Variants in LARP4 observed in about 807,000 individuals in gnomAD.
The protein encoded by LARP4 is La ribonucleoprotein 4, also known as la-related protein 4.
LARP4 carries 29 observed loss-of-function variants against 92.9 expected under a neutral mutation model. The ratio of observed to expected loss-of-function variants is 0.31; its 90% CI spans 0.23 to 0.43. The LOEUF (loss-of-function observed/expected upper bound fraction) is 0.43, where lower values mean the gene tolerates loss of function less well. LARP4 is among the 20% of genes least tolerant of loss of function. LARP4 has a pLI of 1.00. For missense variants in LARP4, 732 were observed against 860.0 expected (o/e 0.85, Z 1.86); for synonymous variants, 279 against 284.1 (o/e 0.98, Z 0.18).
intron 13 of LARP4, among the ~76,000 whole-genome samples, chr12:50,470,406 A>G (rs1379507872): frequency 6.6e-6 from 1 of 152,046 alleles, no homozygotes; most frequent in East Asian, 1.9e-4. Flanking sequence ...TGATACACAA[A>G]CACACATATA....
chr12:50,475,752 C>T lies in LARP4; in HGVS notation c.2063C>T (p.Ala688Val). The T allele has an allele frequency of 6.2e-7, 1 of 1,614,078 alleles. No individual in the cohort carries two copies. Among genetic ancestry groups the T allele is most frequent in the Non-Finnish European group, 8.5e-7 (1 of 1,180,032 alleles). The change falls in exon 16 of 16, where the codon GCA (alanine) becomes GTA (valine). Residue 688 changes from alanine (A) to valine (V), a missense_variant. By Grantham distance (64) the Ala-to-Val change is moderately conservative. Around this residue, in one of 7 missense-constraint regions of LARP4, gnomAD observed 115 missense variants for 129.1 expected, o/e 0.89. Coordinates refer to ENST00000398473, the MANE Select transcript of LARP4 (RefSeq NM_052879.5). Reference protein sequence around the residue: ...GFRGNIIPRGAAGKIREQRRQ... With the variant: ...GFRGNIIPRGVAGKIREQRRQ... ...CGAGGCAATATAATCCCCAGGGGAG[C>T]AGCAGGAAAAATCAGGGAACAGAGA... is the stretch of plus-strand genomic sequence containing the variant.
At chr12:50,470,472 T>C (rs987043962) in intron 13 of LARP4, among the ~76,000 whole-genome samples, 12 of 151,918 alleles carry the variant, frequency 7.9e-5, no homozygotes, top group Non-Finnish European at 1.5e-5. Context: ...TTGCTCTTGT[T>C]GCCCAGGCTG....
chr12:50,454,273 C>A, intron 9 of LARP4, 41 bp from the exon 10 acceptor site: 2 of 1,474,746 alleles, frequency 1.4e-6, no homozygotes, highest in Non-Finnish European at 1.9e-6. Flanking sequence ...CCAGATTTTA[C>A]CTTTGCCATT....
At chr12:50,401,115 G>C (rs1303097534) in intron 1 of LARP4, 87 bp downstream of exon 1, 2 of 1,499,484 alleles carry the variant, frequency 1.3e-6, no homozygotes, top group Non-Finnish European at 1.9e-6. Context: ...GTGACTTTCC[G>C]GGCCGTACAC....
At chr12:50,422,268 A>C (rs1370983821) in intron 1 of LARP4, among the ~76,000 whole-genome samples, 4 of 152,090 alleles carry the variant, frequency 2.6e-5, no homozygotes, top group Admixed American at 6.6e-5. Context: ...CCCGACCTAC[A>C]TTGTTCTAAA....
At chr12:50,464,474 C>T (rs1359084308) in intron 12 of LARP4, among the ~76,000 whole-genome samples, 1 of 152,216 alleles carries the variant, frequency 6.6e-6, no homozygotes, top group Non-Finnish European at 1.5e-5. Flanking sequence ...TCACTGCAAC[C>T]TCTGACTCCC....
intron 1 of LARP4, among the ~76,000 whole-genome samples, chr12:50,410,408 C>CTTT (rs200457985): frequency 7.5e-6 from 1 of 133,008 alleles, no homozygotes; most frequent in African/African-American, 2.7e-5. Flanking sequence ...GATTCTTTAT[C>CTTT]TTTTTTTTTT....
Position 50,424,381 on chromosome 12 carries a change from A to C in LARP4, c.19-3381A>C, listed in dbSNP as rs1948390643. Among the ~76,000 whole-genome samples, 3 of 149,234 alleles carry C rather than the reference A, an allele frequency of 2.0e-5. No individual in the cohort carries two copies. In the South Asian group the frequency reaches 6.4e-4, roughly 32 times the overall value. On this transcript the variant is annotated intron_variant, in intron 1 of 15. Coordinates refer to ENST00000398473, the MANE Select transcript of LARP4 (RefSeq NM_052879.5). ...TGTCCTTTTTTTTTTTTTTTGAGAC[A>C]GAGTTTCGCTCTTGTCGCCCAGGCT...
intron 1 of LARP4, among the ~76,000 whole-genome samples, chr12:50,427,519 C>T (rs549513909): frequency 3.4e-4 from 51 of 151,996 alleles, no homozygotes; most frequent in African/African-American, 1.1e-3. Flanking sequence ...AGCCATTGCA[C>T]CTAGGCAGTA....
intron 1 of LARP4, among the ~76,000 whole-genome samples, chr12:50,406,472 C>A (rs1207477949): frequency 2.6e-5 from 4 of 152,036 alleles, no homozygotes; most frequent in Admixed American, 6.6e-5. Flanking sequence ...CAGAGTGAGA[C>A]CCTGCCTCAA....
intron 1 of LARP4, among the ~76,000 whole-genome samples, chr12:50,426,729 GTGGTTTTTTTT>G (rs1948827654): frequency 9.8e-6 from 1 of 101,620 alleles, no homozygotes; most frequent in Admixed American, 1.0e-4. Flanking sequence ...GTGTGTGTGT[GTGGTTTTTTTT>G]TTTTTTTTTT....
At chr12:50,468,786 C>T (rs1483048099) in intron 13 of LARP4, among the ~76,000 whole-genome samples, 1 of 152,094 alleles carries the variant, frequency 6.6e-6, no homozygotes, top group Non-Finnish European at 1.5e-5. Flanking sequence ...TTTCATATCT[C>T]TAAGAAAGTA....
intron 8 of LARP4, among the ~76,000 whole-genome samples, chr12:50,444,741 A>G (rs548901744): frequency 2.0e-5 from 3 of 152,168 alleles, no homozygotes; most frequent in Admixed American, 1.3e-4. Flanking sequence ...TTCCTAATTT[A>G]TTGATGATTT....
At chr12:50,449,990 G>T (rs1357488580) in intron 8 of LARP4, among the ~76,000 whole-genome samples, 4 of 122,386 alleles carry the variant, frequency 3.3e-5, no homozygotes, top group African/African-American at 1.2e-4. Flanking sequence ...CTGGAGTGCA[G>T]TGGCACGATC....
At chr12:50,419,801 A>G (rs1412745661) in intron 1 of LARP4, among the ~76,000 whole-genome samples, 1 of 152,108 alleles carries the variant, frequency 6.6e-6, no homozygotes, top group East Asian at 1.9e-4. Context: ...GCTGGTCACC[A>G]GGCTGAGGTG....
chr12:50,401,004 GGAC>G lies in LARP4; in HGVS notation c.-3_-1del. Reference sequence around the variant, plus strand: ...GGCGGGAACGATTGGGCTGAGCAGAGGACGACATGTTGCTTTTCGTGGAGGTGA... The same window carrying G: ...GGCGGGAACGATTGGGCTGAGCAGAGGACATGTTGCTTTTCGTGGAGGTGA... On this transcript the variant is annotated 5_prime_UTR_variant, in exon 1 of 16. Coordinates refer to ENST00000398473, the MANE Select transcript of LARP4 (RefSeq NM_052879.5). 1.2e-6 allele frequency: 2 copies of G among 1,614,158 alleles called. No homozygotes were observed. The highest frequency in any genetic ancestry group is 1.7e-6 in the Non-Finnish European group (2 of 1,180,030).
Position 50,461,266 on chromosome 12 carries a change from C to T in LARP4, c.1253C>T (p.Thr418Ile). 3.1e-6 allele frequency: 5 copies of T among 1,614,082 alleles called. No homozygotes were observed. Among genetic ancestry groups the T allele is most frequent in the Non-Finnish European group, 4.2e-6 (5 of 1,180,020 alleles). The change falls in exon 11 of 16, where the codon ACT becomes ATT. Residue 418 changes from threonine (T) to isoleucine (I), a missense_variant. By Grantham distance (89) the Thr-to-Ile change is moderately conservative. Around this residue, in one of 7 missense-constraint regions of LARP4, gnomAD observed 264 missense variants for 269.5 expected, o/e 0.98. Coordinates refer to ENST00000398473, the MANE Select transcript of LARP4 (RefSeq NM_052879.5). The stretch of plus-strand genomic sequence containing the variant: ...GCTGAACGGCATAACCCCACAGTAA[C>T]TGGGCATCAGGAGCAAACTTACCTT... ...FPAERHNPTV[T>I]GHQEQTYLQK...
chr12:50,407,163 C>A (rs926740948), intron 1 of LARP4, among the ~76,000 whole-genome samples: 6 of 152,108 alleles, frequency 3.9e-5, no homozygotes, highest in Admixed American at 1.3e-4. Flanking sequence ...GTAGCTGGGA[C>A]TACAGGCGCG....
chr12:50,416,649 GC>G (rs1946839446), intron 1 of LARP4, among the ~76,000 whole-genome samples: 1 of 151,974 alleles, frequency 6.6e-6, no homozygotes, highest in African/African-American at 2.4e-5. Context: ...ACACCACTGC[GC>G]TCCATCCTAG....
Sources: allele counts gnomAD v4.1 joint callset (sites outside exome capture counted in the v4.1 genomes callset), GRCh38; gene constraint gnomAD v4.1.1; regional missense constraint gnomAD v4.1.1; transcripts MANE v1.5; gene names NCBI Gene and HGNC (gene_info 2026-07-23, HGNC 2026-07-21).